Variants in MACF1 observed in about 807,000 individuals in gnomAD.
MACF1 encodes the protein microtubule actin crosslinking factor 1.
MACF1 carries 193 observed loss-of-function variants against 854.8 expected under a neutral mutation model. The ratio of observed to expected loss-of-function variants is 0.23; its 90% CI spans 0.20 to 0.25. MACF1 has a LOEUF of 0.25. MACF1 is among the 10% of genes least tolerant of loss of function. MACF1 has a pLI of 1.00. For synonymous variants in MACF1, 3,185 were observed against 3,226.7 expected, an observed-to-expected ratio of 0.99 and a Z score of 0.44; for missense variants, 7,722 against 8,929.1, an observed-to-expected ratio of 0.86 and a Z score of 5.45.
intron 15 of MACF1, among the ~76,000 whole-genome samples, chr1:39,291,298 C>T (rs1166169543): frequency 6.6e-6 from 1 of 152,058 alleles, no homozygotes; most frequent in Non-Finnish European, 1.5e-5. Flanking sequence ...TAAGTTTAAG[C>T]AAGGCTACTG....
At chr1:39,306,577 TC>T (rs1177739558) in intron 23 of MACF1, among the ~76,000 whole-genome samples, 3 of 151,862 alleles carry the variant, frequency 2.0e-5, no homozygotes, top group African/African-American at 7.2e-5. Context: ...TTTTCATTTT[TC>T]TTTTGGAAAC....
At position 39,442,064 on chromosome 1, in the gene MACF1, G is replaced by T. The variant is rs2148665911; in HGVS notation, c.18774+11G>T. On this transcript the variant is annotated intron_variant, in intron 75 of 100. Transcript: ENST00000564288. The stretch of plus-strand genomic sequence containing the variant: ...TTAAATGAAATGAAGGTTTGTATCT[G>T]GGTATGGCTTTTGAAGAAGAATTGT... The T allele has an allele frequency of 6.2e-7, 1 of 1,602,294 alleles. No individual in the cohort carries two copies. The highest frequency in any genetic ancestry group is 8.5e-7 in the Non-Finnish European group (1 of 1,176,272).
chr1:39,451,359 C>T (rs1322068076), intron 85 of MACF1, 148 bp downstream of exon 85: 1 of 845,856 alleles, frequency 1.2e-6, no homozygotes, highest in Non-Finnish European at 1.7e-6. Context: ...CAAACTGTTG[C>T]TGAGATTCTG....
At chr1:39,345,893 C>T (rs1180410650) in intron 40 of MACF1, among the ~76,000 whole-genome samples, 1 of 151,834 alleles carries the variant, frequency 6.6e-6, no homozygotes, top group East Asian at 1.9e-4. Context: ...CATGGCAAAA[C>T]CCTGTCTCTA....
chr1:39,398,221 C>T (rs1642348260), intron 58 of MACF1, among the ~76,000 whole-genome samples: 3 of 151,782 alleles, frequency 2.0e-5, no homozygotes, highest in African/African-American at 7.3e-5. Flanking sequence ...TCACTGCAGC[C>T]TCGACCTCCC....
chr1:39,475,289 A>T (rs773193005), intron 97 of MACF1, among the ~76,000 whole-genome samples: 3 of 152,064 alleles, frequency 2.0e-5, no homozygotes, highest in Non-Finnish European at 4.4e-5. Flanking sequence ...ACAGATTTTC[A>T]TTTAGAAATT....
intron 6 of MACF1, 55 bp from the exon 7 acceptor site, chr1:39,282,153 C>A: frequency 1.3e-6 from 2 of 1,577,498 alleles, no homozygotes; most frequent in Non-Finnish European, 1.7e-6. Flanking sequence ...GAAGAGAAGG[C>A]TAAAAGACTT....
intron 54 of MACF1, 101 bp downstream of exon 54, chr1:39,379,545 A>G: frequency 7.4e-7 from 1 of 1,348,872 alleles, no homozygotes; most frequent in South Asian, 1.4e-5. Context: ...GACATGGGCA[A>G]CAATCTAGGC....
At chr1:39,263,634 A>G (rs1029774292) in intron 6 of MACF1, among the ~76,000 whole-genome samples, 5 of 152,148 alleles carry the variant, frequency 3.3e-5, no homozygotes, top group African/African-American at 1.2e-4. Context: ...GTTGATGTGT[A>G]TCATTCCCAT....
chr1:39,121,617 T>C (rs1004300090), intron 2 of MACF1, among the ~76,000 whole-genome samples: 1 of 152,158 alleles, frequency 6.6e-6, no homozygotes, highest in Non-Finnish European at 1.5e-5. Flanking sequence ...GGGCTAACTT[T>C]TTATATTTTT....
intron 41 of MACF1, among the ~76,000 whole-genome samples, chr1:39,348,674 GA>G (rs1393704225): frequency 2.6e-5 from 4 of 152,228 alleles, no homozygotes; most frequent in Non-Finnish European, 4.4e-5. Context: ...AGCGCCATCA[GA>G]AGGTAGAAAC....
intron 58 of MACF1, among the ~76,000 whole-genome samples, chr1:39,388,872 CTTTTTTTTT>C (rs548104092): frequency 4.6e-5 from 4 of 87,242 alleles, no homozygotes; most frequent in African/African-American, 2.0e-4. Context: ...TCTTCTTCTT[CTTTTTTTTT>C]TTTTTTTTTT....
In MACF1 at chr1:39,462,375, G is replaced by A. The variant is rs138162266; in HGVS notation, c.21678+338G>A. On this transcript the variant is annotated intron_variant, in intron 93 of 100. Coordinates refer to ENST00000564288, the MANE Select transcript of MACF1 (RefSeq NM_001394062.1). ...CATCTCACTCTTGAGCATGCTGCCT[G>A]GAATCTAGGGAAATGGTCTACCAGT... Among the ~76,000 whole-genome samples the A allele has an allele frequency of 1.2e-4, 19 of 152,234 alleles. No homozygotes were observed. The East Asian group carries it at 3.5e-3, about 28-fold the overall frequency.
chr1:39,389,219 T>C (rs757883670), intron 58 of MACF1, among the ~76,000 whole-genome samples: 2 of 152,034 alleles, frequency 1.3e-5, no homozygotes, highest in Non-Finnish European at 2.9e-5. Context: ...TTATAACCAA[T>C]TAAGGATATA....
rs778599052 is a variant in MACF1 at position 39,412,394 on chromosome 1, C to T, written c.15817-9980C>T. 29 of 1,613,956 alleles carry T rather than the reference C, an allele frequency of 1.8e-5. No homozygotes were observed. In the East Asian group the frequency reaches 6.5e-4, roughly 36 times the overall value. ...GGAAATGTGGTCACTTGTGAATTGT[C>T]TGTGGAGAAAGTTTGTGATGAGGAT... is the stretch of plus-strand genomic sequence containing the variant. On this transcript the variant is annotated intron_variant, in intron 58 of 100. Coordinates refer to ENST00000564288, the MANE Select transcript of MACF1 (RefSeq NM_001394062.1).
chr1:39,102,634 G>A lies in MACF1; in HGVS notation c.220+18196G>A, dbSNP rs140531160. Reference sequence around the variant, plus strand: ...CTTTAGGGATAGGGGTATTTGATGAGGCTTTAATTGGGAGGACACCAAGGA... The same window carrying A: ...CTTTAGGGATAGGGGTATTTGATGAAGCTTTAATTGGGAGGACACCAAGGA... On this transcript the variant is annotated intron_variant, in intron 2 of 93. Transcript: ENST00000361689. 2,311 of 627,742 alleles carry A rather than the reference G, an allele frequency of 3.7e-3. 8 individuals carry two copies. Among genetic ancestry groups the A allele is most frequent in the Non-Finnish European group, 4.5e-3 (1,568 of 351,402 alleles). The allele number at this position is 627,742 out of a possible 1,614,324, so 38.9% of individuals were successfully genotyped here. A position where few individuals can be genotyped will look rare whatever the true frequency, so the allele number is the denominator to read the frequency against.
intron 6 of MACF1, among the ~76,000 whole-genome samples, chr1:39,271,179 T>G (rs1645312152): frequency 6.6e-6 from 1 of 152,108 alleles, no homozygotes; most frequent in Non-Finnish European, 1.5e-5. Context: ...ATTTACAAAG[T>G]AAAGAGGTTT....
At chr1:39,112,202 T>G (rs1482775743) in intron 2 of MACF1, among the ~76,000 whole-genome samples, 1 of 151,322 alleles carries the variant, frequency 6.6e-6, no homozygotes, top group Non-Finnish European at 1.5e-5. Flanking sequence ...TTCTCCTGCC[T>G]CAGCCTCCTG....
chr1:39,260,388 A>C (rs1223797305), intron 6 of MACF1: 1 of 146,024 alleles, frequency 6.8e-6, no homozygotes, highest in African/African-American at 2.5e-5. Context: ...TTTTTGAAGC[A>C]GATTTCGCTC....
Sources: allele counts gnomAD v4.1 joint callset (sites outside exome capture counted in the v4.1 genomes callset), GRCh38; gene constraint gnomAD v4.1.1; transcripts MANE v1.5; gene names NCBI Gene and HGNC (gene_info 2026-07-23, HGNC 2026-07-21).